Variants in NEO1 observed in about 807,000 individuals in gnomAD.
The protein encoded by NEO1 is neogenin 1, also known as neogenin.
A neutral mutation model predicts 159.7 loss-of-function variants in NEO1; 63 were observed. The observed-to-expected ratio is 0.39, with a 90% CI of 0.32 to 0.49. The LOEUF (loss-of-function observed/expected upper bound fraction) is 0.49, where lower values mean the gene tolerates loss of function less well. NEO1 is among the 20% of genes least tolerant of loss of function. NEO1 has a pLI of 0.85. For synonymous variants in NEO1, 633 were observed against 662.0 expected, an observed-to-expected ratio of 0.96 and a Z score of 0.67; for missense variants, 1,615 against 1,831.0, an observed-to-expected ratio of 0.88 and a Z score of 2.15.
chr15:73,161,785 T>C (rs972979023), intron 5 of NEO1: 2 of 292,554 alleles, frequency 6.8e-6, no homozygotes, highest in Non-Finnish European at 1.3e-5. Flanking sequence ...AAAGAGACTT[T>C]CTCCACTGCC....
intron 1 of NEO1, among the ~76,000 whole-genome samples, chr15:73,082,490 A>G (rs2069118862): frequency 6.6e-6 from 1 of 151,910 alleles, no homozygotes; most frequent in African/African-American, 2.4e-5. Context: ...TAAAATTTCA[A>G]TGTGGATAGT....
chr15:73,126,346 G>T, intron 3 of NEO1, 71 bp from the exon 4 acceptor site: 1 of 1,382,478 alleles, frequency 7.2e-7, no homozygotes, highest in South Asian at 1.4e-5. Flanking sequence ...TCGGGATTAT[G>T]GGTGTGAGCC....
In NEO1 at chr15:73,095,038, G is replaced by A. The variant is rs187303322; in HGVS notation, c.131-21502G>A. Among the ~76,000 whole-genome samples the A allele has an allele frequency of 5.6e-3, 849 of 152,146 alleles. 25 individuals carry two copies. The highest frequency in any genetic ancestry group is 0.036 in the Admixed American group (557 of 15,278). On this transcript the variant is annotated intron_variant, in intron 1 of 28. Transcript: ENST00000261908. The stretch of plus-strand genomic sequence containing the variant: ...ATCCTGGCCAACATGGTGAAACCCC[G>A]TCTCTACTGAAAATACAGAAATTAG...
intron 5 of NEO1, among the ~76,000 whole-genome samples, chr15:73,142,580 A>C (rs1011249620): frequency 2.6e-5 from 4 of 152,060 alleles, no homozygotes; most frequent in Admixed American, 6.5e-5. Context: ...TGTAGCATCC[A>C]ACATCGCAGT....
chr15:73,096,082 A>G (rs2070013150), intron 1 of NEO1, among the ~76,000 whole-genome samples: 1 of 152,192 alleles, frequency 6.6e-6, no homozygotes, highest in Non-Finnish European at 1.5e-5. Context: ...CAAATAGATA[A>G]CTCATTTTAA....
intron 18 of NEO1, 142 bp from the exon 19 acceptor site, chr15:73,272,313 C>G (rs2041210211): frequency 3.4e-6 from 2 of 585,198 alleles, no homozygotes; most frequent in Non-Finnish European, 6.0e-6. Flanking sequence ...TTTTGATAGA[C>G]AAACTGTGAT....
intron 1 of NEO1, among the ~76,000 whole-genome samples, chr15:73,115,729 A>G (rs184642822): frequency 6.6e-6 from 1 of 152,316 alleles, no homozygotes; most frequent in Admixed American, 6.5e-5. Context: ...AAGCTTTCCA[A>G]CAGGCTGAGA....
intron 7 of NEO1, among the ~76,000 whole-genome samples, chr15:73,223,650 C>T (rs868123731): frequency 6.6e-6 from 1 of 152,162 alleles, no homozygotes; most frequent in Admixed American, 6.5e-5. Flanking sequence ...TTTTCCACCC[C>T]TTTAAGTTCA....
chr15:73,128,837 A>G (rs368909336), intron 4 of NEO1, among the ~76,000 whole-genome samples: 15 of 152,294 alleles, frequency 9.8e-5, no homozygotes, highest in East Asian at 9.6e-4. Flanking sequence ...GAAACATCCA[A>G]TTTTATTCAA....
chr15:73,276,155 T>C (rs2041412965), intron 21 of NEO1, among the ~76,000 whole-genome samples: 1 of 152,230 alleles, frequency 6.6e-6, no homozygotes, highest in Admixed American at 6.5e-5. Flanking sequence ...AGTGCAATTC[T>C]TAGCTGCCTG....
At position 73,244,420 on chromosome 15, in the gene NEO1, A is replaced by G. The variant is rs777000615; in HGVS notation, c.1528A>G (p.Ile510Val). Residue 510 changes from isoleucine to valine, a missense_variant, in exon 9 of 29, where the codon ATC becomes GTC. Transcript: ENST00000261908. Reference sequence around the variant, plus strand: ...AAACCTAATGCCAGCGACCGTGTACATCTTTAGAGTTATGGCTCAAAATAA... The same window carrying G: ...AAACCTAATGCCAGCGACCGTGTACGTCTTTAGAGTTATGGCTCAAAATAA... The part of the protein sequence containing the change: ...IQNLMPATVY[I>V]FRVMAQNKHG... The G allele has an allele frequency of 6.8e-6, 11 of 1,613,986 alleles. No homozygotes were observed. The highest frequency in any genetic ancestry group is 2.2e-5 in the East Asian group (1 of 44,870).
rs115927400 is a variant in NEO1, at chr15:73,116,975, A to T, written c.448+118A>T. ...TAGTAGCAACAAATATACTCATTTAACAGATATCAATTGTGCATATACTCT... is the reference window on the plus strand; with the variant it reads ...TAGTAGCAACAAATATACTCATTTATCAGATATCAATTGTGCATATACTCT... On this transcript the variant is annotated intron_variant, in intron 2 of 28. Transcript: ENST00000261908. 2.4e-3 allele frequency: 1,900 copies of T among 796,196 alleles called. 28 individuals carry two copies. The African/African-American group carries it at 0.03, about 13-fold the overall frequency. The allele number at this position is 796,196 out of a possible 1,614,324, so 49.3% of individuals were successfully genotyped here.
intron 7 of NEO1, among the ~76,000 whole-genome samples, chr15:73,195,437 G>C (rs1357377538): frequency 6.6e-6 from 1 of 152,114 alleles, no homozygotes; most frequent in Non-Finnish European, 1.5e-5. Flanking sequence ...TTAGGTTATA[G>C]TGTTGTTGGC....
Position 73,265,774 on chromosome 15 carries a change from A to G in NEO1, c.2399-542A>G, listed in dbSNP as rs181140834. Among the ~76,000 whole-genome samples the G allele has an allele frequency of 2.7e-3, 410 of 152,242 alleles. 1 individual carries two copies. The highest frequency in any genetic ancestry group is 4.4e-3 in the Non-Finnish European group (298 of 68,016). Reference sequence around the variant, plus strand: ...GCCGCCAAGAAAAGCAGCTGTTTTAAGCTTTTGAGCCACATGAGGCATGGC... The same window carrying G: ...GCCGCCAAGAAAAGCAGCTGTTTTAGGCTTTTGAGCCACATGAGGCATGGC... On this transcript the variant is annotated intron_variant, in intron 15 of 28. Coordinates refer to ENST00000261908, the MANE Select transcript of NEO1 (RefSeq NM_002499.4).
intron 19 of NEO1, among the ~76,000 whole-genome samples, chr15:73,273,521 T>C (rs1362644997): frequency 6.6e-6 from 1 of 152,194 alleles, no homozygotes; most frequent in African/African-American, 2.4e-5. Flanking sequence ...GTTGTGATGC[T>C]TCCCTTCTCA....
At chr15:73,125,460 A>G (rs1797909799) in intron 3 of NEO1, among the ~76,000 whole-genome samples, 1 of 152,340 alleles carries the variant, frequency 6.6e-6, no homozygotes, top group South Asian at 2.1e-4. Context: ...CGATTAGGCA[A>G]TGTTTCCTTG....
At chr15:73,274,546 TTC>T (rs536141881) in intron 20 of NEO1, 144 bp from the exon 21 acceptor site, 3 of 724,210 alleles carry the variant, frequency 4.1e-6, no homozygotes, top group Non-Finnish European at 4.7e-6. Flanking sequence ...TGAATTTAAT[TTC>T]TGTTAGTACT....
In NEO1 at chr15:73,287,577, T is replaced by C. The variant is rs139489245; in HGVS notation, c.3411-736T>C. Reference sequence around the variant, plus strand: ...ACTCCACCTAGTTGGTAGTCCTAGTTTGGCAGTCTTCGAAGTTGTTCCGGC... The same window carrying C: ...ACTCCACCTAGTTGGTAGTCCTAGTCTGGCAGTCTTCGAAGTTGTTCCGGC... On this transcript the variant is annotated intron_variant, in intron 23 of 28. Transcript: ENST00000261908. 9.3e-4 allele frequency among the ~76,000 whole-genome samples: 142 copies of C among 152,296 alleles called. 1 individual carries two copies. Among genetic ancestry groups the C allele is most frequent in the African/African-American group, 3.3e-3 (137 of 41,568 alleles).
intron 7 of NEO1, among the ~76,000 whole-genome samples, chr15:73,216,252 A>G (rs2037876062): frequency 6.6e-6 from 1 of 152,168 alleles, no homozygotes; most frequent in African/African-American, 2.4e-5. Context: ...TCCCTACAAA[A>G]GACATGAACT....
Sources: allele counts gnomAD v4.1 joint callset (sites outside exome capture counted in the v4.1 genomes callset), GRCh38; gene constraint gnomAD v4.1.1; transcripts MANE v1.5; gene names NCBI Gene and HGNC (gene_info 2026-07-23, HGNC 2026-07-21).